The following PKD1L1 variants were observed in gnomAD, a reference collection of about 807,000 sequenced individuals.
PKD1L1 encodes the protein polycystin-1-like protein 1.
Under a neutral mutation model 323.4 loss-of-function variants are expected in PKD1L1, and 236 were observed. That is an observed-to-expected ratio of 0.73 (90% CI 0.66 to 0.81). The LOEUF (loss-of-function observed/expected upper bound fraction) is 0.81, where lower values mean the gene tolerates loss of function less well. PKD1L1 is among the 40% of genes least tolerant of loss of function. The pLI, the probability that PKD1L1 is intolerant of heterozygous loss-of-function variation, is 0.00. For missense variants in PKD1L1, 3,320 were observed against 3,508.0 expected, an observed-to-expected ratio of 0.95 and a Z score of 1.35; for synonymous variants, 1,344 against 1,335.0, an observed-to-expected ratio of 1.01 and a Z score of -0.15.
intron 19 of PKD1L1, among the ~76,000 whole-genome samples, chr7:47,882,975 C>G (rs537596488): frequency 6.6e-6 from 1 of 152,072 alleles, no homozygotes; most frequent in African/African-American, 2.4e-5. Flanking sequence ...TAAGGAGGCT[C>G]CTTTAAGACT....
intron 45 of PKD1L1, among the ~76,000 whole-genome samples, chr7:47,823,145 T>C (rs1785180208): frequency 6.6e-6 from 1 of 152,204 alleles, no homozygotes; most frequent in African/African-American, 2.4e-5. Flanking sequence ...TTGTTTGATA[T>C]CTTAAAAAAC....
chr7:47,937,259 T>TGGGGGGGGGGGGGGGGGGG (rs10610147), intron 3 of PKD1L1, among the ~76,000 whole-genome samples: 2 of 73,154 alleles, frequency 2.7e-5, no homozygotes, highest in East Asian at 4.5e-4. Context: ...GGGGTGGGGG[T>TGGGGGGGGGGGGGGGGGGG]GGGGGGGGGG....
At chr7:47,867,103 A>C (rs542268981) in intron 24 of PKD1L1, among the ~76,000 whole-genome samples, 18 of 152,360 alleles carry the variant, frequency 1.2e-4, no homozygotes, top group Non-Finnish European at 2.6e-4. Context: ...CTGTATGAGC[A>C]CAAGAGTATT....
chr7:47,905,086 A>G (rs1299660372), intron 11 of PKD1L1, 71 bp downstream of exon 11: 2 of 1,510,134 alleles, frequency 1.3e-6, no homozygotes, highest in African/African-American at 2.8e-5. Context: ...CGGTAGCAGC[A>G]TGGTGATCTT....
At chr7:47,943,161 AAAATAT>A (rs1320936748) in intron 2 of PKD1L1, among the ~76,000 whole-genome samples, 8 of 85,038 alleles carry the variant, frequency 9.4e-5, no homozygotes, top group Admixed American at 1.4e-4. Context: ...AAAAAAAAAA[AAAATAT>A]ATATATATAT....
chr7:47,856,619 G>T (rs927919136), intron 28 of PKD1L1, among the ~76,000 whole-genome samples: 3 of 152,150 alleles, frequency 2.0e-5, no homozygotes, highest in African/African-American at 7.2e-5. Context: ...ATGTCACACT[G>T]CCGAGCACCC....
chr7:47,905,954 C>T lies in PKD1L1; in HGVS notation c.1411G>A (p.Val471Ile). 1.3e-6 allele frequency: 2 copies of T among 1,596,436 alleles called. No individual in the cohort carries two copies. Residue 471 changes from valine (V) to isoleucine (I), a missense_variant, in exon 10 of 57, where the codon GTT (valine) becomes ATT (isoleucine). Physicochemically the swap from Val to Ile is conservative, Grantham distance 29. Coordinates refer to ENST00000289672, the MANE Select transcript of PKD1L1 (RefSeq NM_138295.5). ...DSQVNQKSTV[V>I]IHHFPSIPSY... Reference sequence around the variant, plus strand: ...GGAATAGATGGAAAGTGATGTATAACCACAGTGCCTAAAATGAGAAAAAAA... The same window carrying T: ...GGAATAGATGGAAAGTGATGTATAATCACAGTGCCTAAAATGAGAAAAAAA...
At chr7:47,841,817 C>T (rs1236294546) in intron 34 of PKD1L1, among the ~76,000 whole-genome samples, 1 of 152,118 alleles carries the variant, frequency 6.6e-6, no homozygotes, top group East Asian at 1.9e-4. Flanking sequence ...TTGTTTTCAA[C>T]TCCATGTTAT....
intron 45 of PKD1L1, among the ~76,000 whole-genome samples, chr7:47,823,168 T>C (rs1019286773): frequency 1.3e-5 from 2 of 152,214 alleles, no homozygotes; most frequent in African/African-American, 4.8e-5. Context: ...TCGATATCTC[T>C]CTATTAAGTA....
At chr7:47,817,282 G>A (rs1280758189) in intron 46 of PKD1L1, among the ~76,000 whole-genome samples, 1 of 152,008 alleles carries the variant, frequency 6.6e-6, no homozygotes, top group African/African-American at 2.4e-5. Flanking sequence ...TTTACACCAC[G>A]GAAATTGGCT....
At chr7:47,775,891 C>T (rs1417265918) in intron 56 of PKD1L1, among the ~76,000 whole-genome samples, 1 of 150,492 alleles carries the variant, frequency 6.6e-6, no homozygotes, top group African/African-American at 2.4e-5. Context: ...ATTGACAAGC[C>T]TCTAGCCAGG....
chr7:47,960,397 G>T, the PKD1L1 span, among the ~76,000 whole-genome samples: 20 of 58,334 alleles, frequency 3.4e-4, no homozygotes, highest in East Asian at 6.4e-4. Context: ...AAAAAAAACT[G>T]TAAAAAAGAA....
chr7:47,788,577 A>ATATATT (rs939251075), intron 56 of PKD1L1, among the ~76,000 whole-genome samples: 58 of 138,062 alleles, frequency 4.2e-4, no homozygotes, highest in Admixed American at 2.5e-3. Flanking sequence ...ATATATATAT[A>ATATATT]TTTTTTTTTT....
intron 27 of PKD1L1, 93 bp from the exon 28 acceptor site, chr7:47,857,925 A>G (rs1313339577): frequency 1.1e-5 from 13 of 1,231,838 alleles, no homozygotes; most frequent in Non-Finnish European, 1.5e-5. Context: ...AAGTAGTTAA[A>G]AAGCCCATCT....
chr7:47,880,737 C>A lies in PKD1L1; in HGVS notation c.3511G>T (p.Val1171Leu), dbSNP rs539595370. 1.2e-6 allele frequency: 2 copies of A among 1,605,812 alleles called. No individual in the cohort carries two copies. The highest frequency in any genetic ancestry group is 1.7e-6 in the Non-Finnish European group (2 of 1,174,906). The change falls in exon 21 of 57, where the codon GTG (valine) becomes TTG (leucine). Residue 1171 changes from valine (V) to leucine (L), a missense_variant. By Grantham distance (32) the Val-to-Leu change is conservative (BLOSUM62 1). Coordinates refer to ENST00000289672, the MANE Select transcript of PKD1L1 (RefSeq NM_138295.5). ...LSSGETYVLQ[V>L]SVASKHGLLG... The stretch of plus-strand genomic sequence containing the variant: ...TGACAATGTAACATACCCACAGACA[C>A]TTGCAGGACGTACGTCTCTCCACTG...
chr7:47,932,125 T>C (rs1787783920), intron 4 of PKD1L1, 69 bp from the exon 5 acceptor site: 2 of 1,536,912 alleles, frequency 1.3e-6, no homozygotes, highest in Non-Finnish European at 1.8e-6. Flanking sequence ...TCTGGCTTAT[T>C]TGATTACAAA....
At position 47,829,455 on chromosome 7, in the gene PKD1L1, A is replaced by G; in HGVS notation, c.6705T>C (p.Ser2235=). The G allele has an allele frequency of 6.2e-7, 1 of 1,613,932 alleles. No homozygotes were observed. The highest frequency in any genetic ancestry group is 2.2e-5 in the East Asian group (1 of 44,878). Residue 2235 remains serine (S), a synonymous_variant, in exon 44 of 57, where the codon AGT becomes AGC. Transcript: ENST00000289672. ...WTRLPFSSSC[S]IPDCAGEVEK... ...CAACCTCGCCTGCACAGTCAGGAATACTGCAGCTTGAAGAGAAGGGGAGGC... is the reference window on the plus strand; with the variant it reads ...CAACCTCGCCTGCACAGTCAGGAATGCTGCAGCTTGAAGAGAAGGGGAGGC...
At chr7:47,834,907 A>G in intron 39 of PKD1L1, 60 bp downstream of exon 39, 2 of 1,399,030 alleles carry the variant, frequency 1.4e-6, no homozygotes, top group Non-Finnish European at 2.0e-6. Context: ...TCTACTTAGT[A>G]GATTGGTGCA....
chr7:47,845,147 G>A lies in PKD1L1; in HGVS notation c.5154-69C>T, dbSNP rs181743697. The A allele has an allele frequency of 4.3e-4, 543 of 1,272,060 alleles. 2 individuals are homozygous for A. In the African/African-American group the frequency reaches 7.3e-3, roughly 17 times the overall value. 78.8% of individuals were successfully genotyped at this position (1,272,060 alleles called of 1,614,324 possible). Reference sequence around the variant, plus strand: ...GCAGCTGTTGACAGTGTAATGGCATGTTGGTTAAAGGAATGAGAAAAGGAA... The same window carrying A: ...GCAGCTGTTGACAGTGTAATGGCATATTGGTTAAAGGAATGAGAAAAGGAA... On this transcript the variant is annotated intron_variant, in intron 32 of 56. Transcript: ENST00000289672.
Sources: allele counts gnomAD v4.1 joint callset (sites outside exome capture counted in the v4.1 genomes callset), GRCh38; gene constraint gnomAD v4.1.1; transcripts MANE v1.5; gene names NCBI Gene and HGNC (gene_info 2026-07-23, HGNC 2026-07-21).